Variants in FAM221B observed in about 807,000 individuals in gnomAD.
FAM221B encodes family with sequence similarity 221 member B, also known as protein FAM221B.
In FAM221B, 35 loss-of-function variants were observed where a neutral mutation model predicts 39.8. The observed-to-expected ratio is 0.88, with a 90% CI of 0.67 to 1.17. The LOEUF (loss-of-function observed/expected upper bound fraction) is 1.17, where lower values mean the gene tolerates loss of function less well. Among genes scored for constraint, FAM221B ranks in the 50% most tolerant of loss-of-function variants. The pLI is 0.00. For missense variants in FAM221B, 479 were observed against 503.1 expected, an observed-to-expected ratio of 0.95 and a Z score of 0.46; for synonymous variants, 158 against 178.1, an observed-to-expected ratio of 0.89 and a Z score of 0.90.
intron 3 of FAM221B, chr9:35,821,380 CTG>C (rs1418629511): frequency 7.9e-7 from 1 of 1,273,140 alleles, no homozygotes; most frequent in Non-Finnish European, 1.1e-6. Context: ...TGGTCTTTGA[CTG>C]TGGTCAGGGC....
intron 3 of FAM221B, among the ~76,000 whole-genome samples, chr9:35,820,969 G>A (rs1829136511): frequency 6.6e-6 from 1 of 152,170 alleles, no homozygotes; most frequent in African/African-American, 2.4e-5. Context: ...CAAGAATCCT[G>A]TATGAGGCCC....
At chr9:35,826,255 T>G (rs1293913521) in intron 1 of FAM221B, 94 bp from the exon 2 acceptor site, 1 of 934,540 alleles carries the variant, frequency 1.1e-6, no homozygotes, top group Non-Finnish European at 1.6e-6. Context: ...ATTATGGAAT[T>G]TGGATAAGGA....
chr9:35,828,521 G>T lies in FAM221B; in HGVS notation c.-59C>A, dbSNP rs377344748. 1.0e-6 allele frequency: 1 copy of T among 985,504 alleles called. No homozygotes were observed. The highest frequency in any genetic ancestry group is 1.2e-6 in the Non-Finnish European group (1 of 829,960). 61.0% of individuals were successfully genotyped at this position (985,504 alleles called of 1,614,324 possible). On this transcript the variant is annotated 5_prime_UTR_variant, in exon 1 of 7. Transcript: ENST00000423537. The surrounding 1 kb of genome is among the most constrained non-coding windows in gnomAD (Gnocchi z 4.5). Reference sequence around the variant, plus strand: ...TAGGTCAAGACCTTGACTTAGGATGGCAGGGGGAGGTGTTGATCCTCAGGG... The same window carrying T: ...TAGGTCAAGACCTTGACTTAGGATGTCAGGGGGAGGTGTTGATCCTCAGGG...
intron 6 of FAM221B, 135 bp from the exon 7 acceptor site, chr9:35,818,641 G>A: frequency 1.0e-6 from 1 of 1,001,120 alleles, no homozygotes; most frequent in Non-Finnish European, 1.5e-6. Flanking sequence ...CCCTGTATCT[G>A]CAGGGCCTAG....
In FAM221B at chr9:35,818,874, C is replaced by T. The variant is rs769420879; in HGVS notation, c.1171+16G>A. The stretch of plus-strand genomic sequence containing the variant: ...CAGACCCTGGAATGGCCCCCTGTCC[C>T]AGGTTTCTGCCTCACCGCGAGGCCT... On this transcript the variant is annotated intron_variant, in intron 6 of 6. Coordinates refer to ENST00000423537, the MANE Select transcript of FAM221B (RefSeq NM_001012446.4). The T allele has an allele frequency of 1.9e-6, 3 of 1,551,344 alleles. No homozygotes were observed. The highest frequency in any genetic ancestry group is 4.9e-5 in the East Asian group (2 of 40,926).
Position 35,819,282 on chromosome 9 carries a change from G to T in FAM221B, c.966C>A (p.Asp322Glu). Residue 322 changes from aspartate (D) to glutamate (E), a missense_variant, in exon 5 of 7, where the codon GAC becomes GAA. By Grantham distance (45) the Asp-to-Glu change is conservative. Transcript: ENST00000423537. ...EFWLKRRATF[D>E]PKAWRAQCRC... The stretch of plus-strand genomic sequence containing the variant: ...GACATTGGGCCCTCCAGGCCTTGGG[G>T]TCAAAGGTGGCCCGTCTCTTGAGCC... 6.4e-7 allele frequency: 1 copy of T among 1,551,748 alleles called. No homozygotes were observed. The highest frequency in any genetic ancestry group is 1.2e-5 in the South Asian group (1 of 84,066).
intron 3 of FAM221B, among the ~76,000 whole-genome samples, chr9:35,824,163 A>G (rs1829229953): frequency 6.6e-6 from 1 of 152,102 alleles, no homozygotes; most frequent in African/African-American, 2.4e-5. Context: ...CTCTATTCCC[A>G]TCATAAAGGG....
In FAM221B at chr9:35,817,450, A is replaced by G. The variant is rs770860960; in HGVS notation, c.*1019T>C. 1 of 152,148 alleles carries G rather than the reference A, an allele frequency of 6.6e-6. No homozygotes were observed. The highest frequency in any genetic ancestry group is 1.5e-5 in the Non-Finnish European group (1 of 68,068). The allele number at this position is 152,148 out of a possible 1,614,324, so 9.4% of individuals were successfully genotyped here. A position where few individuals can be genotyped will look rare whatever the true frequency, so the allele number is the denominator to read the frequency against. ...CACTTTCTTTCCCTATTGGTGCTGT[A>G]TGCTCCCTTCACATCCTCATGCCTT... On this transcript the variant is annotated 3_prime_UTR_variant, in exon 7 of 7. Transcript: ENST00000423537.
rs373107675 is a variant in FAM221B at position 35,825,655 on chromosome 9, G to A, written c.507C>T (p.Thr169=). Residue 169 remains threonine, a synonymous_variant, in exon 2 of 7, where the codon ACC becomes ACT. Transcript: ENST00000423537. The surrounding 1 kb of genome is among the most constrained non-coding windows in gnomAD (Gnocchi z 4.2). Reference sequence around the variant, plus strand: ...CTCCTGCTTCTTCCTCCTGCTTTTCGGTTGTGTCCACTTGGACCTGGGATG... The same window carrying A: ...CTCCTGCTTCTTCCTCCTGCTTTTCAGTTGTGTCCACTTGGACCTGGGATG... ...GPSSQVQVDT[T]EKQEEEAGEV... 2.4e-5 allele frequency: 38 copies of A among 1,614,116 alleles called. No individual in the cohort carries two copies. The African/African-American group carries it at 2.9e-4, about 12-fold the overall frequency.
rs1169618880 is a variant in FAM221B at position 35,828,323 on chromosome 9, AACAACAACAACTACTACTACT to A, written c.-1+119_-1+139del. 4.4e-5 allele frequency: 6 copies of A among 136,646 alleles called. No individual in the cohort carries two copies. Among genetic ancestry groups the A allele is most frequent in the African/African-American group, 1.9e-4 (6 of 31,196 alleles). 8.5% of individuals were successfully genotyped at this position (136,646 alleles called of 1,614,324 possible). ...CAACAACAACAACAACAACAACAACAACAACAACAACTACTACTACTACTACTACTACTACTACTACTACTA... is the reference window on the plus strand; with the variant it reads ...CAACAACAACAACAACAACAACAACAACTACTACTACTACTACTACTACTA... On this transcript the variant is annotated intron_variant, in intron 1 of 6. Coordinates refer to ENST00000423537, the MANE Select transcript of FAM221B (RefSeq NM_001012446.4). The surrounding 1 kb of genome is among the most constrained non-coding windows in gnomAD (Gnocchi z 4.5).
intron 3 of FAM221B, chr9:35,821,563 G>A: frequency 7.3e-7 from 1 of 1,367,926 alleles, no homozygotes; most frequent in Non-Finnish European, 9.8e-7. Context: ...GAGAGAGCAA[G>A]GTATAGGCAG....
Position 35,817,135 on chromosome 9 carries a change from C to T in FAM221B, c.*1334G>A, listed in dbSNP as rs1377468075. The T allele has an allele frequency of 2.0e-5, 3 of 152,218 alleles. No individual in the cohort carries two copies. Among genetic ancestry groups the T allele is most frequent in the African/African-American group, 7.2e-5 (3 of 41,434 alleles). 9.4% of individuals were successfully genotyped at this position (152,218 alleles called of 1,614,324 possible). On this transcript the variant is annotated 3_prime_UTR_variant, in exon 7 of 7. Transcript: ENST00000423537. ...CAGCCTAAAGAGGGACAGTGACTTG[C>T]CTGGGTTCACAGAGCCCATTAGTGC...
chr9:35,821,412 C>A, intron 3 of FAM221B: 1 of 1,363,094 alleles, frequency 7.3e-7, no homozygotes, highest in Non-Finnish European at 9.8e-7. Context: ...CAATTCCGTG[C>A]CTCAGATTAA....
At chr9:35,822,240 A>T (rs535537835) in intron 3 of FAM221B, among the ~76,000 whole-genome samples, 7 of 152,284 alleles carry the variant, frequency 4.6e-5, no homozygotes, top group African/African-American at 1.4e-4. Flanking sequence ...CCTACCAAGC[A>T]TCTACCCTTT....
intron 4 of FAM221B, 141 bp from the exon 5 acceptor site, chr9:35,819,535 C>A: frequency 1.3e-6 from 1 of 768,366 alleles, no homozygotes; most frequent in East Asian, 2.7e-5. Context: ...CTCTGTCGCC[C>A]AGGCTGGAGT....
rs145010791 is a variant in FAM221B, at chr9:35,825,882, A to G, written c.280T>C (p.Leu94=). ...GGCACCACTGAGATGGGACTATCCA[A>G]TGAAGCCTCATAGGTAGGGGTCTCT... ...PSETPTYEAS[L]DSPISVVPEK... is the part of the protein sequence containing the mutation. The change falls in exon 2 of 7, where the codon TTG becomes CTG. Residue 94 remains leucine (L), a synonymous_variant. Transcript: ENST00000423537. This position sits in a 1 kb window ranked among gnomAD's most constrained non-coding sequence, Gnocchi z 4.2. 346 of 1,614,130 alleles carry G rather than the reference A, an allele frequency of 2.1e-4. 2 individuals carry two copies. In the African/African-American group the frequency reaches 4.2e-3, roughly 20 times the overall value.
chr9:35,817,238 CAG>C lies in FAM221B; in HGVS notation c.*1229_*1230del, dbSNP rs1829041202. On this transcript the variant is annotated 3_prime_UTR_variant, in exon 7 of 7. Transcript: ENST00000423537. Reference sequence around the variant, plus strand: ...TTCACTGATTTTGATCCTTGGCCCACAGTTTTCTCTACTTCAAGCACTTATCA... The same window carrying C: ...TTCACTGATTTTGATCCTTGGCCCACTTTTCTCTACTTCAAGCACTTATCA... 1 of 152,276 alleles carries C rather than the reference CAG, an allele frequency of 6.6e-6. No homozygotes were observed. Among genetic ancestry groups the C allele is most frequent in the Admixed American group, 6.5e-5 (1 of 15,284 alleles). The allele number at this position is 152,276 out of a possible 1,614,324, so 9.4% of individuals were successfully genotyped here.
intron 5 of FAM221B, 40 bp downstream of exon 5, chr9:35,819,157 C>T (rs1564005133): frequency 6.5e-7 from 1 of 1,540,804 alleles, no homozygotes; most frequent in Non-Finnish European, 8.8e-7. Context: ...CCTATCCCCA[C>T]CTACCCTGCT....
At chr9:35,824,406 G>A (rs1829243454) in intron 3 of FAM221B, among the ~76,000 whole-genome samples, 1 of 152,316 alleles carries the variant, frequency 6.6e-6, no homozygotes, top group Non-Finnish European at 1.5e-5. Flanking sequence ...ATCACAGGCT[G>A]AGGCTTGGAA....
Sources: gnomAD v4.1 joint callset for allele counts (sites outside exome capture counted in the v4.1 genomes callset) on GRCh38, gnomAD v4.1.1 for gene constraint, Gnocchi (gnomAD v3.1) non-coding constraint, MANE v1.5 for transcripts, NCBI Gene and HGNC (gene_info 2026-07-23, HGNC 2026-07-21) for gene names.